The following PTK2 variants were observed in gnomAD, a reference collection of about 807,000 sequenced individuals.
PTK2 encodes the protein protein tyrosine kinase 2, also known as focal adhesion kinase 1.
Under a neutral mutation model 150.1 loss-of-function variants are expected in PTK2, and 45 were observed. The observed-to-expected ratio is 0.30, with a 90% CI of 0.24 to 0.38. PTK2 has a LOEUF of 0.38. Ranked by LOEUF, PTK2 falls within the 10% of genes least tolerant of loss-of-function variation. The probability of loss-of-function intolerance (pLI) is 1.00; values close to 1 mark genes in which losing one functional copy is unlikely to be tolerated. For missense variants in PTK2, 919 were observed against 1,307.3 expected, an observed-to-expected ratio of 0.70 and a Z score of 4.58; for synonymous variants, 432 against 449.2, an observed-to-expected ratio of 0.96 and a Z score of 0.48.
At chr8:140,821,090 C>G (rs1194232831) in intron 8 of PTK2, 1 of 152,112 alleles carries the variant, frequency 6.6e-6, no homozygotes, top group African/African-American at 2.4e-5. Flanking sequence ...AGGATACACA[C>G]AATTAGGGAG....
intron 10 of PTK2, among the ~76,000 whole-genome samples, chr8:140,813,646 A>T (rs994863599): frequency 2.6e-5 from 4 of 152,380 alleles, no homozygotes; most frequent in East Asian, 1.9e-4. Flanking sequence ...CAGGTAAGGC[A>T]GTGTTAACAG....
intron 1 of PTK2, among the ~76,000 whole-genome samples, chr8:140,987,539 A>AT (rs1198023918): frequency 6.6e-6 from 1 of 152,216 alleles, no homozygotes; most frequent in Non-Finnish European, 1.5e-5. Context: ...GCAAATAACC[A>AT]TATAAGAAGA....
intron 2 of PTK2, among the ~76,000 whole-genome samples, chr8:140,895,525 T>A (rs373229631): frequency 1.4e-3 from 202 of 145,458 alleles, no homozygotes; most frequent in Non-Finnish European, 2.3e-3. Context: ...CTGTCTCCTT[T>A]AAAAAAAAAA....
chr8:140,953,993 G>C (rs1189623064), intron 1 of PTK2, among the ~76,000 whole-genome samples: 2 of 150,770 alleles, frequency 1.3e-5, no homozygotes, highest in African/African-American at 2.4e-5. Context: ...TTTGAAACAG[G>C]GTCTTGCTCT....
chr8:140,735,162 T>TA, intron 22 of PTK2, 89 bp downstream of exon 25: 1 of 1,252,014 alleles, frequency 8.0e-7, no homozygotes, highest in Non-Finnish European at 1.1e-6. Context: ...GACATACTGA[T>TA]ATAATGACCT....
chr8:140,719,919 A>C (rs62524077), intron 22 of PTK2, among the ~76,000 whole-genome samples: 30 of 149,686 alleles, frequency 2.0e-4, no homozygotes, highest in African/African-American at 2.2e-4. Flanking sequence ...AAAAAATCAA[A>C]AACAACAACA....
chr8:140,736,643 A>G (rs552259804), intron 21 of PTK2, among the ~76,000 whole-genome samples: 12 of 152,326 alleles, frequency 7.9e-5, no homozygotes, highest in African/African-American at 2.6e-4. Flanking sequence ...TAAAGGATGG[A>G]TGTTTTCTCC....
At chr8:140,691,941 A>G (rs2100023434) in intron 26 of PTK2, among the ~76,000 whole-genome samples, 1 of 152,240 alleles carries the variant, frequency 6.6e-6, no homozygotes, top group Non-Finnish European at 1.5e-5. Flanking sequence ...GTGGGCTTCA[A>G]TCAGTCAACA....
chr8:140,760,644 A>G (rs897968949), intron 16 of PTK2, among the ~76,000 whole-genome samples: 3 of 152,318 alleles, frequency 2.0e-5, no homozygotes, highest in African/African-American at 7.2e-5. Context: ...AAACGTTCCA[A>G]TTGACAGTGG....
At chr8:140,992,300 A>G (rs1199643515) in intron 1 of PTK2, among the ~76,000 whole-genome samples, 2 of 151,332 alleles carry the variant, frequency 1.3e-5, no homozygotes, top group African/African-American at 2.4e-5. Flanking sequence ...TCGGAAAAAA[A>G]AAAAAAAAAA....
intron 14 of PTK2, among the ~76,000 whole-genome samples, chr8:140,774,779 T>TA (rs1183885403): frequency 6.6e-6 from 1 of 152,294 alleles, no homozygotes; most frequent in East Asian, 1.9e-4. Flanking sequence ...CTTCACTGCT[T>TA]ACTATATGCT....
chr8:140,734,693 G>C, intron 22 of PTK2: 1 of 513,288 alleles, frequency 1.9e-6, no homozygotes, highest in South Asian at 1.4e-5. Context: ...AAAAACAGAA[G>C]TATTCAAAAG....
At chr8:140,726,827 G>T (rs960119334) in intron 22 of PTK2, among the ~76,000 whole-genome samples, 1 of 152,310 alleles carries the variant, frequency 6.6e-6, no homozygotes, top group East Asian at 1.9e-4. Context: ...ATATAGAAGA[G>T]TGAGTTTGCT....
chr8:140,828,862 C>T (rs963223102), intron 8 of PTK2, among the ~76,000 whole-genome samples: 5 of 152,296 alleles, frequency 3.3e-5, no homozygotes, highest in South Asian at 2.1e-4. Context: ...ATAACTCTCT[C>T]GAAGGACACA....
chr8:140,767,260 C>CT (rs56135573), intron 14 of PTK2, among the ~76,000 whole-genome samples: 63,082 of 147,306 alleles, frequency 0.43, 13,771 homozygotes, highest in East Asian at 0.61. Flanking sequence ...AAATTTCTTT[C>CT]TTTTTTTTTT....
intron 14 of PTK2, among the ~76,000 whole-genome samples, chr8:140,767,902 C>CCAAGACCA (rs1162303109): frequency 8.6e-5 from 13 of 152,020 alleles, no homozygotes; most frequent in Non-Finnish European, 1.8e-4. Context: ...AATTGGAGTA[C>CCAAGACCA]AGTCTGAAAC....
At chr8:140,668,745 A>G (rs547049966) in intron 29 of PTK2, 23 of 208,398 alleles carry the variant, frequency 1.1e-4, no homozygotes, top group African/African-American at 5.3e-4. Context: ...TTACCACAAG[A>G]TAATAATCCA....
intron 1 of PTK2, among the ~76,000 whole-genome samples, chr8:140,963,529 A>AAAAAC (rs751500129): frequency 1.3e-5 from 2 of 152,188 alleles, no homozygotes; most frequent in Non-Finnish European, 2.9e-5. Flanking sequence ...TTGCAAAAAC[A>AAAAAC]AAAACAAAAC....
At chr8:140,938,393 AT>A (rs1223248797) in intron 1 of PTK2, among the ~76,000 whole-genome samples, 1 of 152,224 alleles carries the variant, frequency 6.6e-6, no homozygotes, top group African/African-American at 2.4e-5. Flanking sequence ...TCAAACTCTC[AT>A]AAAAACTCCA....
Sources: gnomAD v4.1 joint callset for allele counts (sites outside exome capture counted in the v4.1 genomes callset) on GRCh38, gnomAD v4.1.1 for gene constraint, MANE v1.5 for transcripts, NCBI Gene and HGNC (gene_info 2026-07-23, HGNC 2026-07-21) for gene names.